BAIAP2L1: variants seen among roughly 807,000 people sequenced by gnomAD.
The protein encoded by BAIAP2L1 is BAR/IMD domain-containing adapter protein 2-like 1.
BAIAP2L1 carries 35 observed loss-of-function variants against 66.3 expected under a neutral mutation model. The ratio of observed to expected loss-of-function variants is 0.53; its 90% CI spans 0.40 to 0.70. The LOEUF is 0.70. Ranked by LOEUF, BAIAP2L1 falls within the 30% of genes least tolerant of loss-of-function variation. The pLI, the probability that BAIAP2L1 is intolerant of heterozygous loss-of-function variation, is 0.00. For missense variants in BAIAP2L1, 622 were observed against 656.9 expected, an observed-to-expected ratio of 0.95 and a Z score of 0.58; for synonymous variants, 269 against 248.7, an observed-to-expected ratio of 1.08 and a Z score of -0.77.
chr7:98,314,625 AC>A (rs1801003352), intron 7 of BAIAP2L1, among the ~76,000 whole-genome samples: 1 of 152,146 alleles, frequency 6.6e-6, no homozygotes, highest in Non-Finnish European at 1.5e-5. Flanking sequence ...AGTTGAATAA[AC>A]CAGGAACCAA....
At chr7:98,353,482 C>CATTCTAAATACACATATATTTAT in intron 3 of BAIAP2L1, among the ~76,000 whole-genome samples, 1 of 131,024 alleles carries the variant, frequency 7.6e-6, no homozygotes, top group East Asian at 2.1e-4. Context: ...TACATATTTA[C>CATTCTAAATACACATATATTTAT]ATTATAAATA....
intron 12 of BAIAP2L1, among the ~76,000 whole-genome samples, chr7:98,303,607 GGA>G (rs966118193): frequency 2.2e-4 from 33 of 152,306 alleles, no homozygotes; most frequent in African/African-American, 7.2e-4. Flanking sequence ...TCCTCTAGCT[GGA>G]GAGCCCACAC....
intron 1 of BAIAP2L1, among the ~76,000 whole-genome samples, chr7:98,393,087 A>G (rs1315169119): frequency 3.6e-5 from 4 of 109,904 alleles, no homozygotes; most frequent in African/African-American, 8.8e-5. Context: ...ACACACATAT[A>G]TACATATATA....
chr7:98,393,651 C>T (rs1584509924), intron 1 of BAIAP2L1, among the ~76,000 whole-genome samples: 1 of 151,532 alleles, frequency 6.6e-6, no homozygotes, highest in Admixed American at 6.6e-5. Flanking sequence ...CCTCCCGCCA[C>T]CGCGCCTGGA....
Position 98,310,529 on chromosome 7 carries a change from T to C in BAIAP2L1, c.871A>G (p.Arg291Gly), listed in dbSNP as rs1800827870. The C allele has an allele frequency of 4.4e-6, 7 of 1,601,186 alleles. No homozygotes were observed. Among genetic ancestry groups the C allele is most frequent in the Admixed American group, 1.8e-5 (1 of 56,212 alleles). Residue 291 changes from arginine (R) to glycine (G), a missense_variant, in exon 9 of 14, where the codon AGA becomes GGA. Coordinates refer to ENST00000005260, the MANE Select transcript of BAIAP2L1 (RefSeq NM_018842.5). ...SPKMPPAPSG[R>G]AYTSPLIDMF... is the part of the protein sequence containing the mutation. ...TCGATCAAGGGACTGGTATATGCTC[T>C]GCCTGAAGGAGCGGGGGGCATCTTT...
At chr7:98,343,250 C>T (rs1178673191) in intron 3 of BAIAP2L1, among the ~76,000 whole-genome samples, 2 of 39,540 alleles carry the variant, frequency 5.1e-5, no homozygotes, top group South Asian at 6.8e-4. Context: ...AAAAAAAATA[C>T]ACACACACAC....
At chr7:98,365,892 AT>A (rs1454010021) in intron 1 of BAIAP2L1, among the ~76,000 whole-genome samples, 4 of 152,116 alleles carry the variant, frequency 2.6e-5, no homozygotes, top group African/African-American at 7.2e-5. Flanking sequence ...TCATCTCCTG[AT>A]TACCTTTCAC....
chr7:98,308,819 A>AT (rs1800763990), intron 9 of BAIAP2L1: 2 of 154,066 alleles, frequency 1.3e-5, no homozygotes, highest in Admixed American at 1.3e-4. Flanking sequence ...CTGGGACTAC[A>AT]GGCACACGCC....
intron 3 of BAIAP2L1, among the ~76,000 whole-genome samples, chr7:98,351,482 G>A (rs1391190808): frequency 1.3e-5 from 2 of 152,160 alleles, no homozygotes; most frequent in African/African-American, 4.8e-5. Flanking sequence ...TTGGGCCGTG[G>A]GGTATAAGGG....
chr7:98,340,975 T>TTTTTG (rs1801730759), intron 3 of BAIAP2L1, among the ~76,000 whole-genome samples: 1 of 150,558 alleles, frequency 6.6e-6, no homozygotes, highest in South Asian at 2.1e-4. Context: ...TTTTTTTTTT[T>TTTTTG]GTCTCTTACA....
intron 7 of BAIAP2L1, among the ~76,000 whole-genome samples, chr7:98,312,963 A>C (rs1040384091): frequency 1.3e-5 from 2 of 152,006 alleles, no homozygotes; most frequent in Non-Finnish European, 2.9e-5. Context: ...TCTGAAGAGC[A>C]CTCTGGTTGG....
intron 3 of BAIAP2L1, among the ~76,000 whole-genome samples, chr7:98,354,716 G>A (rs1188258973): frequency 2.0e-5 from 3 of 152,150 alleles, no homozygotes; most frequent in Non-Finnish European, 4.4e-5. Context: ...GCCACAGCCC[G>A]AGGCCCCAGG....
At chr7:98,323,952 C>T (rs571207038) in intron 3 of BAIAP2L1, among the ~76,000 whole-genome samples, 9 of 152,228 alleles carry the variant, frequency 5.9e-5, no homozygotes, top group Non-Finnish European at 1.0e-4. Flanking sequence ...GTTTAAAATG[C>T]GATGCCACAT....
Position 98,371,807 on chromosome 7 carries a change from T to C in BAIAP2L1, c.52-9375A>G, listed in dbSNP as rs1236781806. Among the ~76,000 whole-genome samples the C allele has an allele frequency of 1.4e-4, 21 of 151,864 alleles. 1 individual carries two copies. Among genetic ancestry groups the C allele is most frequent in the Admixed American group, 1.4e-3 (21 of 15,268 alleles). ...TTTCTCTTTTAGTTTCTTTTTTTTT[T>C]TTTCTGAGACGGAGTCTCGCTCTGT... On this transcript the variant is annotated intron_variant, in intron 1 of 13. Coordinates refer to ENST00000005260, the MANE Select transcript of BAIAP2L1 (RefSeq NM_018842.5).
intron 3 of BAIAP2L1, among the ~76,000 whole-genome samples, chr7:98,353,632 T>A: frequency 7.2e-6 from 1 of 139,314 alleles, no homozygotes; most frequent in Admixed American, 8.0e-5. Flanking sequence ...TACATATATT[T>A]ATATATGTAT....
intron 12 of BAIAP2L1, among the ~76,000 whole-genome samples, chr7:98,300,455 G>T (rs1296843971): frequency 6.6e-6 from 1 of 152,248 alleles, no homozygotes; most frequent in Non-Finnish European, 1.5e-5. Context: ...TTTGCAGTCT[G>T]CATAGGATGT....
At chr7:98,372,814 C>T (rs1392120879) in intron 1 of BAIAP2L1, among the ~76,000 whole-genome samples, 6 of 145,910 alleles carry the variant, frequency 4.1e-5, no homozygotes, top group East Asian at 2.1e-4. Context: ...GGCCTGATCT[C>T]GGCTCACTGC....
intron 1 of BAIAP2L1, among the ~76,000 whole-genome samples, chr7:98,397,806 T>G (rs1012931340): frequency 6.6e-6 from 1 of 152,224 alleles, no homozygotes; most frequent in Non-Finnish European, 1.5e-5. Flanking sequence ...GAGGGATTTT[T>G]GGCTGAACTC....
chr7:98,373,800 T>G (rs80355080), intron 1 of BAIAP2L1, among the ~76,000 whole-genome samples: 1 of 152,296 alleles, frequency 6.6e-6, no homozygotes, highest in African/African-American at 2.4e-5. Context: ...TACACAGGTA[T>G]CTCCAGGAAC....
Sources: allele counts gnomAD v4.1 joint callset (sites outside exome capture counted in the v4.1 genomes callset), GRCh38; gene constraint gnomAD v4.1.1; transcripts MANE v1.5; gene names NCBI Gene and HGNC (gene_info 2026-07-23, HGNC 2026-07-21).